Variants in DUSP13B observed in about 807,000 individuals in gnomAD.
DUSP13B encodes dual specificity protein phosphatase 13B.
chr10:75,095,119 C>T, the DUSP13B span, among the ~76,000 whole-genome samples: 5 of 152,310 alleles, frequency 3.3e-5, no homozygotes, highest in East Asian at 9.6e-4. Flanking sequence ...CTTCCTCAGG[C>T]ATCCTTTGCA....
chr10:75,100,469 A>T, the DUSP13B span, among the ~76,000 whole-genome samples: 1 of 152,122 alleles, frequency 6.6e-6, no homozygotes, highest in African/African-American at 2.4e-5. Flanking sequence ...AAGGAGGGGA[A>T]GTCGGTGGTT....
At chr10:75,104,403 G>A in the DUSP13B span, among the ~76,000 whole-genome samples, 1 of 152,154 alleles carries the variant, frequency 6.6e-6, no homozygotes, top group Non-Finnish European at 1.5e-5. Context: ...TGCACAGTTT[G>A]GTGGATGACA....
the DUSP13B span, chr10:75,105,848 C>T: frequency 6.4e-7 from 1 of 1,550,430 alleles, no homozygotes; most frequent in African/African-American, 1.4e-5. Flanking sequence ...ACGCCCACCA[C>T]ACAGTGCACC....
At chr10:75,099,342 T>C in the DUSP13B span, 1 of 1,232,216 alleles carries the variant, frequency 8.1e-7, no homozygotes, top group Non-Finnish European at 1.0e-6. Context: ...AGTGGGAGGC[T>C]GTCGGGCAAG....
At chr10:75,107,883 G>A in the DUSP13B span, 1 of 1,319,724 alleles carries the variant, frequency 7.6e-7, no homozygotes, top group African/African-American at 1.5e-5. Flanking sequence ...GGCCTAAGCA[G>A]AGGATTTTTA....
chr10:75,095,427 T>C, the DUSP13B span: 1 of 701,324 alleles, frequency 1.4e-6, no homozygotes, highest in African/African-American at 1.8e-5. Flanking sequence ...GGACACTCAC[T>C]GAATGGTAGT....
the DUSP13B span, chr10:75,108,133 A>G: frequency 6.2e-7 from 1 of 1,613,588 alleles, no homozygotes; most frequent in Non-Finnish European, 8.5e-7. Flanking sequence ...CCCTGACAGT[A>G]GAGGCCCTTG....
chr10:75,107,636 G>A, the DUSP13B span, among the ~76,000 whole-genome samples: 1 of 152,106 alleles, frequency 6.6e-6, no homozygotes, highest in Non-Finnish European at 1.5e-5. Context: ...GAGTGAAGTG[G>A]CATGATCTCG....
the DUSP13B span, chr10:75,099,457 G>T: frequency 2.5e-5 from 31 of 1,232,446 alleles, no homozygotes; most frequent in Non-Finnish European, 3.1e-5. Context: ...CCGGGAATGG[G>T]GGAGTGGGTG....
the DUSP13B span, chr10:75,105,598 GCCTAGGCCCTCA>G: frequency 2.5e-5 from 36 of 1,436,454 alleles, no homozygotes; most frequent in Admixed American, 4.0e-5. Context: ...TATGTCTGCA[GCCTAGGCCCTCA>G]CCTGGCCTCT....
the DUSP13B span, among the ~76,000 whole-genome samples, chr10:75,103,729 G>C: frequency 2.0e-5 from 3 of 152,198 alleles, no homozygotes; most frequent in Non-Finnish European, 4.4e-5. Context: ...CCCTCCTGGG[G>C]CTCTCTGAGC....
At chr10:75,108,291 G>A in the DUSP13B span, 10 of 1,509,468 alleles carry the variant, frequency 6.6e-6, no homozygotes, top group East Asian at 2.3e-4. Context: ...CTGCTGCAGA[G>A]GGACCGAGCC....
At chr10:75,103,336 C>G in the DUSP13B span, among the ~76,000 whole-genome samples, 2 of 152,210 alleles carry the variant, frequency 1.3e-5, no homozygotes, top group Non-Finnish European at 2.9e-5. Flanking sequence ...GGAAGCAGCA[C>G]AGGCCCACAC....
chr10:75,101,831 C>T, the DUSP13B span: 2 of 1,347,764 alleles, frequency 1.5e-6, no homozygotes, highest in Non-Finnish European at 2.0e-6. Context: ...TCAGGGACCA[C>T]ATCCTACCCC....
chr10:75,108,369 CAG>C, the DUSP13B span: 1 of 1,335,876 alleles, frequency 7.5e-7, no homozygotes. Flanking sequence ...GCCCTATACC[CAG>C]AGCCCCGCAC....
the DUSP13B span, among the ~76,000 whole-genome samples, chr10:75,102,615 C>A: frequency 6.6e-6 from 1 of 151,558 alleles, no homozygotes; most frequent in Admixed American, 6.6e-5. Flanking sequence ...CAAGACCAGT[C>A]TAGGCAATAT....
the DUSP13B span, among the ~76,000 whole-genome samples, chr10:75,102,681 G>A: frequency 1.2e-4 from 18 of 152,156 alleles, no homozygotes; most frequent in Admixed American, 7.2e-4. Flanking sequence ...GGCTGGTCGC[G>A]GTGGCTCATG....
At chr10:75,098,908 A>G in the DUSP13B span, 1 of 1,148,072 alleles carries the variant, frequency 8.7e-7, no homozygotes, top group Non-Finnish European at 1.1e-6. Flanking sequence ...GTCCATCCCC[A>G]AGCCTTTCAG....
chr10:75,108,500 G>A, the DUSP13B span, among the ~76,000 whole-genome samples: 1 of 152,130 alleles, frequency 6.6e-6, no homozygotes, highest in Non-Finnish European at 1.5e-5. Flanking sequence ...TTCAGCCCTG[G>A]AACCTGGCTG....
Sources: allele counts gnomAD v4.1 joint callset (sites outside exome capture counted in the v4.1 genomes callset), GRCh38; gene constraint gnomAD v4.1.1; transcripts MANE v1.5; gene names NCBI Gene and HGNC (gene_info 2026-07-23, HGNC 2026-07-21).